The following KCTD8 variants were observed in gnomAD, a reference collection of about 807,000 sequenced individuals.
KCTD8 encodes potassium channel tetramerization domain containing 8.
Under a neutral mutation model 31.5 loss-of-function variants are expected in KCTD8, and 27 were observed. The ratio of observed to expected loss-of-function variants is 0.86; its 90% CI spans 0.63 to 1.18. The LOEUF (loss-of-function observed/expected upper bound fraction) is 1.18, where lower values mean the gene tolerates loss of function less well. Ranked by LOEUF, KCTD8 falls within the 50% of genes most tolerant of loss-of-function variation. The pLI, the probability that KCTD8 is intolerant of heterozygous loss-of-function variation, is 0.00. For missense variants in KCTD8, 658 were observed against 647.7 expected (o/e 1.02, Z -0.17); for synonymous variants, 290 against 280.0 (o/e 1.04, Z -0.36).
At chr4:44,268,429 C>A (rs1334699592) in intron 1 of KCTD8, among the ~76,000 whole-genome samples, 3 of 152,140 alleles carry the variant, frequency 2.0e-5, no homozygotes, top group African/African-American at 7.2e-5. Context: ...AAACCCACAG[C>A]CAATATCATA....
chr4:44,277,759 GA>G (rs1256209897), intron 1 of KCTD8, among the ~76,000 whole-genome samples: 1 of 151,636 alleles, frequency 6.6e-6, no homozygotes, highest in Non-Finnish European at 1.5e-5. Flanking sequence ...ATCCTATGTA[GA>G]AATAGTAAGA....
intron 1 of KCTD8, among the ~76,000 whole-genome samples, chr4:44,435,660 T>C (rs1381339724): frequency 2.0e-5 from 3 of 152,056 alleles, no homozygotes; most frequent in African/African-American, 7.2e-5. Context: ...AGAAATGAAA[T>C]GTGTATGAAT....
intron 1 of KCTD8, among the ~76,000 whole-genome samples, chr4:44,179,262 G>GC (rs1214773986): frequency 1.3e-5 from 2 of 151,542 alleles, no homozygotes; most frequent in African/African-American, 4.9e-5. Flanking sequence ...AATAATATGG[G>GC]CCAGGGCATG....
intron 1 of KCTD8, among the ~76,000 whole-genome samples, chr4:44,318,215 G>A (rs1718193928): frequency 6.6e-6 from 1 of 152,142 alleles, no homozygotes; most frequent in African/African-American, 2.4e-5. Context: ...TCATTGTAAT[G>A]ATGTCATACT....
At chr4:44,267,577 A>C (rs2109369710) in intron 1 of KCTD8, among the ~76,000 whole-genome samples, 1 of 152,262 alleles carries the variant, frequency 6.6e-6, no homozygotes, top group Non-Finnish European at 1.5e-5. Flanking sequence ...AGACAAATAA[A>C]AACCCTCAAA....
chr4:44,378,523 TG>T (rs1719976159), intron 1 of KCTD8, among the ~76,000 whole-genome samples: 1 of 152,066 alleles, frequency 6.6e-6, no homozygotes, highest in African/African-American at 2.4e-5. Flanking sequence ...CTTTGTTAAC[TG>T]AATGTATCAC....
chr4:44,232,496 G>C (rs988001852), intron 1 of KCTD8, among the ~76,000 whole-genome samples: 2 of 152,092 alleles, frequency 1.3e-5, no homozygotes, highest in Non-Finnish European at 2.9e-5. Flanking sequence ...GGCTATACAA[G>C]TCATTAGAGC....
At chr4:44,344,079 G>A (rs1302626146) in intron 1 of KCTD8, among the ~76,000 whole-genome samples, 1 of 152,006 alleles carries the variant, frequency 6.6e-6, no homozygotes, top group Non-Finnish European at 1.5e-5. Context: ...GGATGGTCTT[G>A]ATTTCTTGAC....
At chr4:44,176,766 C>A (rs1214827404) in intron 1 of KCTD8, among the ~76,000 whole-genome samples, 1 of 152,046 alleles carries the variant, frequency 6.6e-6, no homozygotes, top group Admixed American at 6.6e-5. Context: ...CCTTAAATGG[C>A]TGAGCTTTTA....
intron 1 of KCTD8, among the ~76,000 whole-genome samples, chr4:44,291,101 A>C (rs1285278738): frequency 1.3e-5 from 2 of 152,120 alleles, no homozygotes; most frequent in Non-Finnish European, 2.9e-5. Context: ...AGATCCAAAT[A>C]AGCACAATCA....
intron 1 of KCTD8, among the ~76,000 whole-genome samples, chr4:44,334,686 A>G (rs553867213): frequency 9.2e-5 from 14 of 152,228 alleles, no homozygotes; most frequent in Admixed American, 2.0e-4. Context: ...CAACAACAAA[A>G]AGAAAAACCA....
intron 1 of KCTD8, among the ~76,000 whole-genome samples, chr4:44,400,143 G>A (rs1007292335): frequency 2.0e-5 from 3 of 152,118 alleles, no homozygotes; most frequent in Admixed American, 6.6e-5. Flanking sequence ...GAAGAAAACA[G>A]GCTAAAATTT....
chr4:44,375,973 C>T, intron 1 of KCTD8, among the ~76,000 whole-genome samples: 1 of 152,076 alleles, frequency 6.6e-6, no homozygotes, highest in East Asian at 1.9e-4. Context: ...TCATTTTCTT[C>T]TATATCCTCT....
At chr4:44,401,667 A>G (rs1720668980) in intron 1 of KCTD8, among the ~76,000 whole-genome samples, 1 of 152,198 alleles carries the variant, frequency 6.6e-6, no homozygotes, top group African/African-American at 2.4e-5. Flanking sequence ...TGAAAATGCT[A>G]CTTATATTAT....
intron 1 of KCTD8, among the ~76,000 whole-genome samples, chr4:44,306,456 A>T (rs1365839160): frequency 6.6e-6 from 1 of 152,048 alleles, no homozygotes; most frequent in East Asian, 1.9e-4. Flanking sequence ...TAATTTAAAC[A>T]TCTTCACATT....
chr4:44,374,489 A>T (rs544404213), intron 1 of KCTD8, among the ~76,000 whole-genome samples: 3 of 152,274 alleles, frequency 2.0e-5, no homozygotes, highest in Admixed American at 2.0e-4. Flanking sequence ...TCACTGGTGT[A>T]GCACTTTTAA....
At position 44,448,200 on chromosome 4, in the gene KCTD8, G is replaced by T. The variant is rs753819539; in HGVS notation, c.324C>A (p.Tyr108Ter). The T allele has an allele frequency of 6.2e-7, 1 of 1,612,458 alleles. No homozygotes were observed. Among genetic ancestry groups the T allele is most frequent in the Non-Finnish European group, 8.5e-7 (1 of 1,179,746 alleles). ...GCTTGTCCCGCAGATAATCCAGCAC[G>T]TACCTGAAAAGGAAGCCGTCCCGGT... ...FIDRDGFLFR[Y>*]VLDYLRDKQL... Residue 108 changes from tyrosine to a stop codon, truncating the protein, a stop_gained, in exon 1 of 2, where the codon TAC becomes TAA. Transcript: ENST00000360029. LOFTEE classifies it high-confidence loss of function. This position sits in a 1 kb window ranked among gnomAD's most constrained non-coding sequence, Gnocchi z 4.1.
chr4:44,251,657 G>C (rs922971531), intron 1 of KCTD8, among the ~76,000 whole-genome samples: 2 of 150,970 alleles, frequency 1.3e-5, no homozygotes, highest in East Asian at 1.9e-4. Flanking sequence ...ATGTTAATAG[G>C]GTTCCTTATT....
intron 1 of KCTD8, among the ~76,000 whole-genome samples, chr4:44,271,168 A>C (rs1156600883): frequency 6.6e-6 from 1 of 152,140 alleles, no homozygotes; most frequent in Admixed American, 6.6e-5. Context: ...ATTATTGATT[A>C]AAATCCTAAT....
Sources: gnomAD v4.1 joint callset for allele counts (sites outside exome capture counted in the v4.1 genomes callset) on GRCh38, gnomAD v4.1.1 for gene constraint, Gnocchi (gnomAD v3.1) non-coding constraint, MANE v1.5 for transcripts, NCBI Gene and HGNC (gene_info 2026-07-23, HGNC 2026-07-21) for gene names.